FMNL2: variants seen among roughly 807,000 people sequenced by gnomAD.
FMNL2 encodes formin like 2, also known as formin-like protein 2.
FMNL2 carries 51 observed loss-of-function variants against 130.2 expected under a neutral mutation model. The ratio of observed to expected loss-of-function variants is 0.39; its 90% CI spans 0.31 to 0.49. The LOEUF is 0.49. Ranked by LOEUF, FMNL2 falls within the 20% of genes least tolerant of loss-of-function variation. FMNL2 has a pLI of 0.85. For missense variants in FMNL2, 977 were observed against 1,316.2 expected, an observed-to-expected ratio of 0.74 and a Z score of 3.99; for synonymous variants, 465 against 467.1, an observed-to-expected ratio of 1.00 and a Z score of 0.06.
At chr2:152,364,925 G>A (rs552173553) in intron 1 of FMNL2, among the ~76,000 whole-genome samples, 5 of 152,264 alleles carry the variant, frequency 3.3e-5, no homozygotes, top group African/African-American at 7.2e-5. Flanking sequence ...CTGAAGATTC[G>A]GAAAATTGAG....
chr2:152,627,626 A>G (rs1284617733), intron 17 of FMNL2, among the ~76,000 whole-genome samples: 1 of 152,204 alleles, frequency 6.6e-6, no homozygotes, highest in African/African-American at 2.4e-5. Context: ...CTTGTTTGTC[A>G]TGATGATTAA....
At chr2:152,391,911 T>TC (rs924592021) in intron 1 of FMNL2, among the ~76,000 whole-genome samples, 2 of 106,492 alleles carry the variant, frequency 1.9e-5, no homozygotes, top group Non-Finnish European at 3.8e-5. Flanking sequence ...AGAAGTTGTT[T>TC]TTTTTTTTTT....
chr2:152,463,251 G>A (rs1689349258), intron 1 of FMNL2, among the ~76,000 whole-genome samples: 1 of 152,008 alleles, frequency 6.6e-6, no homozygotes, highest in African/African-American at 2.4e-5. Context: ...TTACCTTTTT[G>A]AAATAATAGT....
chr2:152,593,729 CT>C (rs1056076479), intron 9 of FMNL2, among the ~76,000 whole-genome samples: 3 of 150,996 alleles, frequency 2.0e-5, no homozygotes, highest in South Asian at 2.1e-4. Flanking sequence ...GAAAATAAAA[CT>C]TTTTTTTTAA....
chr2:152,352,001 C>A (rs1038828199), intron 1 of FMNL2, among the ~76,000 whole-genome samples: 2 of 152,106 alleles, frequency 1.3e-5, no homozygotes, highest in Non-Finnish European at 2.9e-5. Context: ...GTTTGAGAAC[C>A]TTTAAGCATG....
intron 20 of FMNL2, 116 bp from the exon 21 acceptor site, chr2:152,631,892 C>T: frequency 8.7e-7 from 1 of 1,144,416 alleles, no homozygotes; most frequent in Non-Finnish European, 1.2e-6. Flanking sequence ...AATGCTCCAG[C>T]CTGTTGGGCG....
At chr2:152,599,168 C>T (rs1697915081) in intron 9 of FMNL2, among the ~76,000 whole-genome samples, 2 of 152,218 alleles carry the variant, frequency 1.3e-5, no homozygotes, top group Non-Finnish European at 2.9e-5. Context: ...CACAGACACA[C>T]CCAGAAATAT....
At position 152,389,803 on chromosome 2, in the gene FMNL2, T is replaced by C. The variant is rs1684998486; in HGVS notation, c.117+54083T>C. On this transcript the variant is annotated intron_variant, in intron 1 of 25. Coordinates refer to ENST00000288670, the MANE Select transcript of FMNL2 (RefSeq NM_052905.4). Reference sequence around the variant, plus strand: ...CTTCCTTCGACGCAAAACAGACTTTTTCACTGCAGGAGAAGAGGGGATGGC... The same window carrying C: ...CTTCCTTCGACGCAAAACAGACTTTCTCACTGCAGGAGAAGAGGGGATGGC... 5.7e-6 allele frequency: 8 copies of C among 1,394,664 alleles called. No homozygotes were observed. In the East Asian group the frequency reaches 1.8e-4, roughly 32 times the overall value. 86.4% of individuals were successfully genotyped at this position (1,394,664 alleles called of 1,614,324 possible).
intron 1 of FMNL2, among the ~76,000 whole-genome samples, chr2:152,448,656 C>G (rs903388356): frequency 1.3e-5 from 2 of 152,222 alleles, no homozygotes; most frequent in Non-Finnish European, 2.9e-5. Context: ...ATGCACTCAT[C>G]AAAGCATTTG....
At chr2:152,495,358 G>T (rs1250744755) in intron 1 of FMNL2, among the ~76,000 whole-genome samples, 1 of 152,002 alleles carries the variant, frequency 6.6e-6, no homozygotes, top group African/African-American at 2.4e-5. Flanking sequence ...AGATTAAGAT[G>T]TTCATGCTGG....
rs561367533 is a variant in FMNL2, at chr2:152,604,288, T to C, written c.877-3051T>C. On this transcript the variant is annotated intron_variant, in intron 9 of 25. Transcript: ENST00000288670. ...CCTTGGTTCTGCCACTCTCTCAACCTTTCATCAGGTTAGAGAAGTCTAATC... is the reference window on the plus strand; with the variant it reads ...CCTTGGTTCTGCCACTCTCTCAACCCTTCATCAGGTTAGAGAAGTCTAATC... 5.4e-4 allele frequency among the ~76,000 whole-genome samples: 82 copies of C among 151,170 alleles called. 1 individual carries two copies. Among genetic ancestry groups the C allele is most frequent in the African/African-American group, 1.9e-3 (78 of 41,508 alleles).
intron 9 of FMNL2, among the ~76,000 whole-genome samples, chr2:152,598,622 A>AGAGATTGCAATGAGCC (rs56202183): frequency 0.19 from 28,717 of 152,016 alleles, 3,202 homozygotes; most frequent in Non-Finnish European, 0.27. Context: ...CCCGGGAGGT[A>AGAGATTGCAATGAGCC]GAGATTGCAA....
At chr2:152,552,721 ACTTGAAATACC>A (rs1189966575) in intron 4 of FMNL2, among the ~76,000 whole-genome samples, 2 of 152,350 alleles carry the variant, frequency 1.3e-5, no homozygotes, top group Admixed American at 6.5e-5. Context: ...TTTTGAAATT[ACTTGAAATACC>A]CTTGAAATGA....
intron 9 of FMNL2, among the ~76,000 whole-genome samples, chr2:152,599,509 G>A (rs188165053): frequency 1.8e-4 from 23 of 130,908 alleles, no homozygotes; most frequent in Non-Finnish European, 3.3e-4. Flanking sequence ...GGGATTTTAC[G>A]ATCCTTTTGC....
intron 9 of FMNL2, 32 bp from the exon 10 acceptor site, chr2:152,607,307 A>G (rs1333034872): frequency 1.9e-6 from 3 of 1,587,400 alleles, no homozygotes; most frequent in African/African-American, 2.7e-5. Flanking sequence ...ATGTTTAGAA[A>G]GTCACATGCA....
intron 1 of FMNL2, among the ~76,000 whole-genome samples, chr2:152,368,467 G>GT (rs147652733): frequency 0.44 from 65,792 of 149,318 alleles, 15,821 homozygotes; most frequent in Non-Finnish European, 0.57. Flanking sequence ...TATTTTAAAA[G>GT]TTTTTTTTTT....
Position 152,469,620 on chromosome 2 carries a change from A to C in FMNL2, c.118-52323A>C, listed in dbSNP as rs979910497. Among the ~76,000 whole-genome samples the C allele has an allele frequency of 2.6e-5, 4 of 152,206 alleles. No homozygotes were observed. The East Asian group carries it at 7.7e-4, about 29-fold the overall frequency. On this transcript the variant is annotated intron_variant, in intron 1 of 25. Coordinates refer to ENST00000288670, the MANE Select transcript of FMNL2 (RefSeq NM_052905.4). The stretch of plus-strand genomic sequence containing the variant: ...TTGTCAAATTGGGGTGGAAATGCTG[A>C]ACCTCCTGTGTCCTTATGCTCCGCT...
chr2:152,615,741 TTG>T (rs1698913044), intron 12 of FMNL2, among the ~76,000 whole-genome samples: 1 of 152,256 alleles, frequency 6.6e-6, no homozygotes, highest in Non-Finnish European at 1.5e-5. Context: ...CCAAATTCTT[TTG>T]GTGAGTCTGG....
At chr2:152,555,245 A>G (rs1484586104) in intron 4 of FMNL2, among the ~76,000 whole-genome samples, 1 of 152,192 alleles carries the variant, frequency 6.6e-6, no homozygotes, top group Non-Finnish European at 1.5e-5. Flanking sequence ...CTAGTGGTAT[A>G]TGGGCTATAC....
Sources: allele counts gnomAD v4.1 joint callset (sites outside exome capture counted in the v4.1 genomes callset), GRCh38; gene constraint gnomAD v4.1.1; transcripts MANE v1.5; gene names NCBI Gene and HGNC (gene_info 2026-07-23, HGNC 2026-07-21).